CYP2W1: variants seen among roughly 807,000 people sequenced by gnomAD.
CYP2W1 encodes the protein cytochrome P450 family 2 subfamily W member 1, also known as cytochrome P450 2W1.
CYP2W1 carries 51 observed loss-of-function variants against 44.9 expected under a neutral mutation model. The ratio of observed to expected loss-of-function variants is 1.14; its 90% CI spans 0.91 to 1.43. The LOEUF (loss-of-function observed/expected upper bound fraction) is 1.43, where lower values mean the gene tolerates loss of function less well. Ranked by LOEUF, CYP2W1 falls within the 40% of genes most tolerant of loss-of-function variation. CYP2W1 has a pLI of 0.00. For synonymous variants in CYP2W1, 383 were observed against 338.3 expected, an observed-to-expected ratio of 1.13 and a Z score of -1.45; for missense variants, 746 against 700.0, an observed-to-expected ratio of 1.07 and a Z score of -0.74.
chr7:986,719 C>T lies in CYP2W1; in HGVS notation c.741C>T (p.Leu247=), dbSNP rs1441696774. The part of the protein sequence containing the change: ...IEEVRAILRT[L]LEARRPHVCP... ...AGGTCCGTGCCATTCTGAGGACCCT[C>T]CTGGAGGCGCGGAGGCCCCACGTGT... Residue 247 remains leucine (L), a synonymous_variant, in exon 5 of 9, where the codon CTC becomes CTT. Transcript: ENST00000308919. The T allele has an allele frequency of 1.9e-6, 3 of 1,611,690 alleles. No individual in the cohort carries two copies. Among genetic ancestry groups the T allele is most frequent in the South Asian group, 2.2e-5 (2 of 90,984 alleles).
chr7:985,360 G>T (rs1400046479), intron 4 of CYP2W1, 37 bp downstream of exon 4: 8 of 1,538,676 alleles, frequency 5.2e-6, no homozygotes, highest in Non-Finnish European at 7.0e-6. Flanking sequence ...GTGGGGTGGA[G>T]CCTGGAGTGA....
At chr7:986,888 C>A in intron 5 of CYP2W1, 91 bp downstream of exon 5, 1 of 1,384,614 alleles carries the variant, frequency 7.2e-7, no homozygotes, top group Non-Finnish European at 9.5e-7. Flanking sequence ...CCATACCGGT[C>A]CTGCACCAAG....
intron 5 of CYP2W1, 143 bp downstream of exon 5, chr7:986,940 CCTT>C: frequency 3.0e-6 from 4 of 1,326,218 alleles, no homozygotes; most frequent in Non-Finnish European, 4.0e-6. Flanking sequence ...GCCTCAGTCT[CCTT>C]GTCTGTGAAA....
intron 7 of CYP2W1, 96 bp downstream of exon 7, chr7:987,627 CT>C: frequency 8.1e-7 from 1 of 1,229,986 alleles, no homozygotes; most frequent in African/African-American, 1.5e-5. Flanking sequence ...TGGTGGGTGC[CT>C]GATGGCCCAG....
In CYP2W1 at chr7:987,516, C is replaced by A; in HGVS notation, c.1128C>A (p.Gly376=). The A allele has an allele frequency of 6.5e-7, 1 of 1,528,242 alleles. No individual in the cohort carries two copies. 94.7% of individuals were successfully genotyped at this position (1,528,242 alleles called of 1,614,324 possible). A position where few individuals can be genotyped will look rare whatever the true frequency, so the allele number is the denominator to read the frequency against. The change falls in exon 7 of 9, where the codon GGC becomes GGA. Residue 376 remains glycine, a synonymous_variant. Transcript: ENST00000308919. Reference sequence around the variant, plus strand: ...CCGCGGCCGACACACAGCTGGGCGGCTTCCTGCTCCCCAAGGTGGGGCTGG... The same window carrying A: ...CCGCGGCCGACACACAGCTGGGCGGATTCCTGCTCCCCAAGGTGGGGCTGG... ...RCTAADTQLG[G]FLLPKGTPVI... is the part of the protein sequence containing the mutation.
At chr7:985,429 TC>T in intron 4 of CYP2W1, 106 bp downstream of exon 4, 1 of 1,271,556 alleles carries the variant, frequency 7.9e-7, no homozygotes, top group Non-Finnish European at 1.1e-6. Context: ...TTCTCGGCCC[TC>T]CCACCTTGCA....
intron 4 of CYP2W1, among the ~76,000 whole-genome samples, chr7:985,799 T>C (rs1485218506): frequency 6.6e-6 from 1 of 152,216 alleles, no homozygotes; most frequent in Non-Finnish European, 1.5e-5. Flanking sequence ...GTATTTGATG[T>C]GCGTTTACCG....
intron 6 of CYP2W1, 51 bp downstream of exon 6, chr7:987,296 C>A: frequency 7.2e-6 from 11 of 1,517,784 alleles, no homozygotes; most frequent in African/African-American, 1.4e-5. Context: ...CGGGGGACCC[C>A]CAGGGACGAG....
At position 986,608 on chromosome 7, in the gene CYP2W1, C is replaced by T. The variant is rs759913710; in HGVS notation, c.646-16C>T. 1.9e-6 allele frequency: 3 copies of T among 1,612,322 alleles called. No homozygotes were observed. In the East Asian group the frequency reaches 6.7e-5, roughly 36 times the overall value. On this transcript the variant is annotated splice_polypyrimidine_tract_variant and intron_variant, in intron 4 of 8. Transcript: ENST00000308919. ...GGGCTGCGTCCTTATCTCCGCTCCTCCTGCCTCCTGCCCAGCTGTTCAACG... is the reference window on the plus strand; with the variant it reads ...GGGCTGCGTCCTTATCTCCGCTCCTTCTGCCTCCTGCCCAGCTGTTCAACG...
In CYP2W1 at chr7:987,231, AC is replaced by A. The variant is rs1202914918; in HGVS notation, c.947del (p.Pro316ArgfsTer11). ...TGGGCCGCACTTCTGATGGGCCGGC[AC>A]CCGGACGTGCAGGGTGAGACCCCGG... is the stretch of plus-strand genomic sequence containing the variant. ...LQWAALLMGR[H>X]PDVQGRVQEE... is the part of the protein sequence containing the mutation. On this transcript the variant is annotated frameshift_variant, in exon 6 of 9. Coordinates refer to ENST00000308919, the MANE Select transcript of CYP2W1 (RefSeq NM_017781.3). LOFTEE classifies it high-confidence loss of function. 1.1e-5 allele frequency: 17 copies of A among 1,534,066 alleles called. No individual in the cohort carries two copies. Among genetic ancestry groups the A allele is most frequent in the Non-Finnish European group, 1.5e-5 (17 of 1,139,672 alleles).
chr7:983,331 C>A lies in CYP2W1; in HGVS notation c.120C>A (p.Leu40=). The change falls in exon 1 of 9, where the codon CTC becomes CTA. Residue 40 remains leucine, a synonymous_variant. Transcript: ENST00000308919. ...CCCCGGGGCCTCGCCCGCTGCCGCTCGTCGGGAACCTGCACTTGCTGCGTC... is the reference window on the plus strand; with the variant it reads ...CCCCGGGGCCTCGCCCGCTGCCGCTAGTCGGGAACCTGCACTTGCTGCGTC... ...RWPPGPRPLP[L]VGNLHLLRLS... 1 of 1,539,324 alleles carries A rather than the reference C, an allele frequency of 6.5e-7. No individual in the cohort carries two copies.
intron 4 of CYP2W1, 56 bp from the exon 5 acceptor site, chr7:986,568 C>A: frequency 6.3e-7 from 1 of 1,592,188 alleles, no homozygotes; most frequent in South Asian, 1.1e-5. Flanking sequence ...ACCGCCTGCC[C>A]AGCGTGCAGC....
At chr7:983,623 C>T (rs560819183) in intron 1 of CYP2W1, among the ~76,000 whole-genome samples, 3 of 152,268 alleles carry the variant, frequency 2.0e-5, no homozygotes, top group South Asian at 4.1e-4. Context: ...CAGGGCCCGG[C>T]GCGGGAGCAG....
At chr7:988,512 C>T in intron 8 of CYP2W1, 94 bp downstream of exon 8, 1 of 1,599,346 alleles carries the variant, frequency 6.3e-7, no homozygotes, top group Non-Finnish European at 8.5e-7. Flanking sequence ...CACCCACCTC[C>T]TGATCTCAGG....
In CYP2W1 at chr7:985,074, C is replaced by T. The variant is rs1848224522; in HGVS notation, c.462C>T (p.Leu154=). Residue 154 remains leucine (L), a synonymous_variant, in exon 3 of 9, where the codon CTC becomes CTT. Transcript: ENST00000308919. The part of the protein sequence containing the change: ...ADKILQELKC[L]SGQLDGYRGR... ...AGATTCTGCAGGAGCTGAAATGCCT[C>T]TCTGGGCAGCTGGATGGCTACAGAG... 4 of 1,612,348 alleles carry T rather than the reference C, an allele frequency of 2.5e-6. No homozygotes were observed. Among genetic ancestry groups the T allele is most frequent in the African/African-American group, 1.3e-5 (1 of 74,942 alleles).
chr7:989,003 C>T lies in CYP2W1; in HGVS notation c.*181C>T, dbSNP rs542347265. 7.6e-4 allele frequency: 422 copies of T among 558,632 alleles called. 1 individual carries two copies. Among genetic ancestry groups the T allele is most frequent in the African/African-American group, 5.9e-3 (315 of 53,184 alleles). 34.6% of individuals were successfully genotyped at this position (558,632 alleles called of 1,614,324 possible). A position where few individuals can be genotyped will look rare whatever the true frequency, so the allele number is the denominator to read the frequency against. Reference sequence around the variant, plus strand: ...GGTTACACCCAGGACTACCCCTGCCCGACCCTGTGGGACCCCCACCCCTCT... The same window carrying T: ...GGTTACACCCAGGACTACCCCTGCCTGACCCTGTGGGACCCCCACCCCTCT... On this transcript the variant is annotated 3_prime_UTR_variant, in exon 9 of 9. Coordinates refer to ENST00000308919, the MANE Select transcript of CYP2W1 (RefSeq NM_017781.3).
At position 988,801 on chromosome 7, in the gene CYP2W1, G is replaced by T; in HGVS notation, c.1452G>T (p.Leu484=). 6.3e-7 allele frequency: 1 copy of T among 1,588,550 alleles called. No homozygotes were observed. Residue 484 remains leucine, a synonymous_variant, in exon 9 of 9, where the codon CTG becomes CTT. Coordinates refer to ENST00000308919, the MANE Select transcript of CYP2W1 (RefSeq NM_017781.3). The part of the protein sequence containing the change: ...AFTMRPRAQA[L]CAVPRP The stretch of plus-strand genomic sequence containing the variant: ...CCATGAGGCCGAGGGCCCAGGCCCT[G>T]TGTGCGGTGCCCAGGCCCTAGGAGC...
In CYP2W1 at chr7:988,755, C is replaced by T. The variant is rs1187001082; in HGVS notation, c.1406C>T (p.Thr469Ile). 19 of 1,598,874 alleles carry T rather than the reference C, an allele frequency of 1.2e-5. No individual in the cohort carries two copies. Among genetic ancestry groups the T allele is most frequent in the Non-Finnish European group, 1.6e-5 (19 of 1,179,296 alleles). ...PPGVSPASLD[T>I]TPARAFTMRP... is the part of the protein sequence containing the mutation. Reference sequence around the variant, plus strand: ...GGCGTCAGTCCGGCCTCCCTGGACACCACGCCCGCCCGGGCTTTTACCATG... The same window carrying T: ...GGCGTCAGTCCGGCCTCCCTGGACATCACGCCCGCCCGGGCTTTTACCATG... The change falls in exon 9 of 9, where the codon ACC becomes ATC. Residue 469 changes from threonine to isoleucine, a missense_variant. Physicochemically the swap from Thr to Ile is moderately conservative, Grantham distance 89 (BLOSUM62 -1). Transcript: ENST00000308919.
chr7:987,812 C>G (rs1321939522), intron 7 of CYP2W1, among the ~76,000 whole-genome samples: 1 of 151,968 alleles, frequency 6.6e-6, no homozygotes, highest in East Asian at 1.9e-4. Context: ...CTAGGCGATC[C>G]CCTCGGTGTG....
Sources: allele counts gnomAD v4.1 joint callset (sites outside exome capture counted in the v4.1 genomes callset), GRCh38; gene constraint gnomAD v4.1.1; transcripts MANE v1.5; gene names NCBI Gene and HGNC (gene_info 2026-07-23, HGNC 2026-07-21).